KCNQ5: variants seen among roughly 807,000 people sequenced by gnomAD.
KCNQ5 encodes potassium voltage-gated channel subfamily Q member 5.
Under a neutral mutation model 98.2 loss-of-function variants are expected in KCNQ5, and 30 were observed. The ratio of observed to expected loss-of-function variants is 0.31; its 90% CI spans 0.23 to 0.41. KCNQ5 has a LOEUF of 0.41. KCNQ5 is among the 10% of genes least tolerant of loss of function. The probability of loss-of-function intolerance (pLI) is 1.00; values close to 1 mark genes in which losing one functional copy is unlikely to be tolerated. For missense variants in KCNQ5, 835 were observed against 1,182.5 expected, an observed-to-expected ratio of 0.71 and a Z score of 4.31; for synonymous variants, 458 against 449.4, an observed-to-expected ratio of 1.02 and a Z score of -0.24.
intron 2 of KCNQ5, among the ~76,000 whole-genome samples, chr6:73,037,666 A>G (rs762808760): frequency 5.3e-5 from 8 of 152,086 alleles, no homozygotes; most frequent in Non-Finnish European, 1.0e-4. Flanking sequence ...TCAATTGAGC[A>G]TATTTGTGTG....
At position 73,019,333 on chromosome 6, in the gene KCNQ5, T is replaced by C. The variant is rs902114144; in HGVS notation, c.489+15335T>C. Among the ~76,000 whole-genome samples the C allele has an allele frequency of 5.2e-4, 79 of 152,210 alleles. 1 individual carries two copies. Among genetic ancestry groups the C allele is most frequent in the African/African-American group, 1.9e-3 (77 of 41,444 alleles). ...TTATCATAAGCCCTGTTCTTTTTAGTGTGAAATCTTGCCCCAAACTATGTT... is the reference window on the plus strand; with the variant it reads ...TTATCATAAGCCCTGTTCTTTTTAGCGTGAAATCTTGCCCCAAACTATGTT... On this transcript the variant is annotated intron_variant, in intron 2 of 13. Transcript: ENST00000370398.
rs191121859 is a variant in KCNQ5 at position 73,027,592 on chromosome 6, T to A, written c.490-14344T>A. The stretch of plus-strand genomic sequence containing the variant: ...TCTTTAATTAATGAGATGGCTTGAT[T>A]GTAATTATTCCATTAATTGTTTAAA... On this transcript the variant is annotated intron_variant, in intron 2 of 13. Transcript: ENST00000370398. 3.3e-4 allele frequency among the ~76,000 whole-genome samples: 50 copies of A among 152,352 alleles called. No homozygotes were observed. In the East Asian group the frequency reaches 7.7e-3, roughly 24 times the overall value.
chr6:72,730,642 G>A (rs961349083), intron 1 of KCNQ5, among the ~76,000 whole-genome samples: 3 of 152,166 alleles, frequency 2.0e-5, no homozygotes, highest in Admixed American at 2.0e-4. Context: ...TTTTGTGTCT[G>A]TAACTTTATA....
intron 1 of KCNQ5, among the ~76,000 whole-genome samples, chr6:72,832,153 C>T (rs1776301842): frequency 6.6e-6 from 1 of 151,448 alleles, no homozygotes; most frequent in South Asian, 2.1e-4. Flanking sequence ...GAGAATTGCT[C>T]ATGGAGAGAT....
intron 1 of KCNQ5, among the ~76,000 whole-genome samples, chr6:72,826,468 T>C (rs192716132): frequency 6.6e-6 from 1 of 151,514 alleles, no homozygotes; most frequent in Admixed American, 6.6e-5. Flanking sequence ...GAAAAATGTC[T>C]TTTATTTCAG....
intron 10 of KCNQ5, among the ~76,000 whole-genome samples, chr6:73,143,958 G>C (rs975073145): frequency 2.0e-5 from 3 of 152,156 alleles, no homozygotes; most frequent in African/African-American, 7.2e-5. Context: ...GCACTTTTCA[G>C]CTGCATGGTG....
chr6:73,108,596 G>A (rs1382536504), intron 6 of KCNQ5, among the ~76,000 whole-genome samples: 1 of 152,178 alleles, frequency 6.6e-6, no homozygotes, highest in African/African-American at 2.4e-5. Context: ...GGAGGCCGAG[G>A]CGGTCGGATC....
intron 2 of KCNQ5, among the ~76,000 whole-genome samples, chr6:73,013,945 G>A (rs771439146): frequency 6.6e-6 from 1 of 152,080 alleles, no homozygotes; most frequent in Non-Finnish European, 1.5e-5. Flanking sequence ...TTTGTACTGA[G>A]AATTCTAAAT....
In KCNQ5 at chr6:72,875,743, T is replaced by A. The variant is rs184811320; in HGVS notation, c.399-128165T>A. On this transcript the variant is annotated intron_variant, in intron 1 of 13. Coordinates refer to ENST00000370398, the MANE Select transcript of KCNQ5 (RefSeq NM_019842.4). ...ATGTATTTTTATTTGAATTTTTGCATCAGAAATATTAATTGAAATAAATTT... is the reference window on the plus strand; with the variant it reads ...ATGTATTTTTATTTGAATTTTTGCAACAGAAATATTAATTGAAATAAATTT... Among the ~76,000 whole-genome samples the A allele has an allele frequency of 8.5e-5, 13 of 152,240 alleles. No homozygotes were observed. In the East Asian group the frequency reaches 2.5e-3, roughly 29 times the overall value.
At position 73,065,669 on chromosome 6, in the gene KCNQ5, C is replaced by G. The variant is rs528845218; in HGVS notation, c.617-11653C>G. 5.3e-5 allele frequency among the ~76,000 whole-genome samples: 8 copies of G among 152,354 alleles called. No individual in the cohort carries two copies. In the South Asian group the frequency reaches 1.7e-3, roughly 32 times the overall value. ...TGTCGTGATCTGGCTGGAGCCTTCT[C>G]TCACTCCGCTCAAGCTAACTTGATC... On this transcript the variant is annotated intron_variant, in intron 3 of 13. Coordinates refer to ENST00000370398, the MANE Select transcript of KCNQ5 (RefSeq NM_019842.4).
intron 3 of KCNQ5, chr6:73,043,195 T>C: frequency 2.5e-6 from 1 of 399,114 alleles, no homozygotes; most frequent in Non-Finnish European, 5.3e-6. Flanking sequence ...GAATCCTTTA[T>C]TCCATACTTC....
chr6:72,897,567 T>C (rs778191938), intron 1 of KCNQ5, among the ~76,000 whole-genome samples: 1 of 151,906 alleles, frequency 6.6e-6, no homozygotes, highest in Non-Finnish European at 1.5e-5. Context: ...AAAATGAGGG[T>C]CACTCAGAGA....
chr6:73,094,967 T>G (rs1774418893), intron 5 of KCNQ5, among the ~76,000 whole-genome samples: 1 of 152,326 alleles, frequency 6.6e-6, no homozygotes, highest in Admixed American at 6.5e-5. Flanking sequence ...GATGTCTAGG[T>G]CTCTAGCAAT....
intron 1 of KCNQ5, among the ~76,000 whole-genome samples, chr6:72,694,762 T>A (rs1445212542): frequency 3.3e-5 from 5 of 152,196 alleles, no homozygotes; most frequent in Non-Finnish European, 7.4e-5. Flanking sequence ...ATATGTGACT[T>A]TGTTACATGA....
chr6:72,934,962 A>G (rs1765842177), intron 1 of KCNQ5, among the ~76,000 whole-genome samples: 1 of 152,064 alleles, frequency 6.6e-6, no homozygotes, highest in Admixed American at 6.5e-5. Flanking sequence ...TTTAACTAGT[A>G]CAAATTCCAT....
chr6:73,087,109 G>A (rs972121710), intron 5 of KCNQ5, among the ~76,000 whole-genome samples: 5 of 152,146 alleles, frequency 3.3e-5, no homozygotes, highest in African/African-American at 1.2e-4. Context: ...TTTTTAGATG[G>A]AAATAAGAAA....
intron 1 of KCNQ5, among the ~76,000 whole-genome samples, chr6:72,824,266 C>G (rs549614569): frequency 6.6e-6 from 1 of 152,078 alleles, no homozygotes; most frequent in African/African-American, 2.4e-5. Context: ...TTTACCAGTT[C>G]TTGATCTGTA....
intron 3 of KCNQ5, among the ~76,000 whole-genome samples, chr6:73,046,977 G>C (rs1197313228): frequency 1.3e-5 from 2 of 152,146 alleles, no homozygotes; most frequent in African/African-American, 4.8e-5. Context: ...GAGGAAGTAA[G>C]ACAAGACTGA....
In KCNQ5 at chr6:72,622,638, G is replaced by A. The variant is rs573649450; in HGVS notation, c.398+51G>A. On this transcript the variant is annotated intron_variant, in intron 1 of 13. Coordinates refer to ENST00000370398, the MANE Select transcript of KCNQ5 (RefSeq NM_019842.4). The surrounding 1 kb of genome is among the most constrained non-coding windows in gnomAD (Gnocchi z 6.0). Reference sequence around the variant, plus strand: ...CCCGCTGCAGGGGACCACTGTCCCTGGCCCCCTGGGGCGTGCTCCGCGCTC... The same window carrying A: ...CCCGCTGCAGGGGACCACTGTCCCTAGCCCCCTGGGGCGTGCTCCGCGCTC... 16 of 1,594,128 alleles carry A rather than the reference G, an allele frequency of 1.0e-5. 1 individual carries two copies. The East Asian group carries it at 3.4e-4, about 34-fold the overall frequency.
Sources: gnomAD v4.1 joint callset for allele counts (sites outside exome capture counted in the v4.1 genomes callset) on GRCh38, gnomAD v4.1.1 for gene constraint, Gnocchi (gnomAD v3.1) non-coding constraint, MANE v1.5 for transcripts, NCBI Gene and HGNC (gene_info 2026-07-23, HGNC 2026-07-21) for gene names.